The following LPAR1 variants were observed in gnomAD, a reference collection of about 807,000 sequenced individuals.
LPAR1 encodes the protein lysophosphatidic acid receptor 1.
Under a neutral mutation model 23.8 loss-of-function variants are expected in LPAR1, and 5 were observed. That is an observed-to-expected ratio of 0.21 (90% CI 0.11 to 0.44). The LOEUF is 0.44. Ranked by LOEUF, LPAR1 falls within the 20% of genes least tolerant of loss-of-function variation. The pLI, the probability that LPAR1 is intolerant of heterozygous loss-of-function variation, is 0.99. For missense variants in LPAR1, 311 were observed against 482.8 expected (o/e 0.64, Z 3.33); for synonymous variants, 160 against 164.7 (o/e 0.97, Z 0.22).
rs374432519 is a variant in LPAR1, at chr9:110,941,386, T to A, written c.793+35A>T. ...TGTGGTTTATGTTAGTCACTGAGAA[T>A]CTATAAAGTAAGTTACAGTCAAGAC... On this transcript the variant is annotated intron_variant, in intron 5 of 5. Transcript: ENST00000683809. The surrounding 1 kb of genome is among the most constrained non-coding windows in gnomAD (Gnocchi z 6.1). 6.4e-7 allele frequency: 1 copy of A among 1,552,388 alleles called. No individual in the cohort carries two copies. The highest frequency in any genetic ancestry group is 1.9e-5 in the Admixed American group (1 of 53,632).
At chr9:110,951,660 A>C (rs1410718076) in intron 4 of LPAR1, among the ~76,000 whole-genome samples, 1 of 152,238 alleles carries the variant, frequency 6.6e-6, no homozygotes, top group Admixed American at 6.5e-5. Context: ...TCAGTCCTAC[A>C]GTGCTAGTGA....
chr9:110,905,575 G>A (rs757123400), intron 5 of LPAR1, among the ~76,000 whole-genome samples: 15 of 151,898 alleles, frequency 9.9e-5, no homozygotes, highest in African/African-American at 1.4e-4. Context: ...GGCTGGTCTC[G>A]AACTCCAGAC....
intron 2 of LPAR1, among the ~76,000 whole-genome samples, chr9:110,982,469 C>A (rs2096689103): frequency 6.6e-6 from 1 of 151,804 alleles, no homozygotes; most frequent in African/African-American, 2.4e-5. Context: ...CACACTGGGG[C>A]CTGTCAGGGG....
chr9:110,980,160 T>A (rs1400569168), intron 2 of LPAR1, among the ~76,000 whole-genome samples: 1 of 152,124 alleles, frequency 6.6e-6, no homozygotes, highest in African/African-American at 2.4e-5. Context: ...GATGGGAGTA[T>A]GTGAATGGTA....
chr9:110,973,811 T>G (rs1211907523), intron 2 of LPAR1, among the ~76,000 whole-genome samples: 2 of 152,200 alleles, frequency 1.3e-5, no homozygotes, highest in African/African-American at 4.8e-5. Context: ...ATTCGTTTAT[T>G]TTTAAGAAAC....
At chr9:110,989,500 G>A (rs1196067028) in intron 2 of LPAR1, among the ~76,000 whole-genome samples, 2 of 152,172 alleles carry the variant, frequency 1.3e-5, no homozygotes, top group Admixed American at 1.3e-4. Flanking sequence ...TAAGTATACT[G>A]TATTGTTGTG....
chr9:110,936,432 G>T (rs1027978136), intron 5 of LPAR1, among the ~76,000 whole-genome samples: 2 of 152,150 alleles, frequency 1.3e-5, no homozygotes, highest in Admixed American at 1.3e-4. Flanking sequence ...TGGCCAAAAG[G>T]CATGGTCTAC....
intron 5 of LPAR1, among the ~76,000 whole-genome samples, chr9:110,890,017 T>TA (rs2083592453): frequency 6.6e-6 from 1 of 152,058 alleles, no homozygotes; most frequent in East Asian, 1.9e-4. Context: ...AGAATAAACT[T>TA]GATTAAGACA....
intron 2 of LPAR1, among the ~76,000 whole-genome samples, chr9:110,982,891 C>CACAT (rs2096703788): frequency 6.6e-6 from 1 of 151,388 alleles, no homozygotes; most frequent in Admixed American, 6.6e-5. Context: ...CACACACACA[C>CACAT]ACACACGGCC....
At chr9:110,920,865 G>A (rs1362782981) in intron 5 of LPAR1, among the ~76,000 whole-genome samples, 1 of 152,156 alleles carries the variant, frequency 6.6e-6, no homozygotes, top group African/African-American at 2.4e-5. Flanking sequence ...GCCCATGCCT[G>A]TATTCTCAGC....
intron 5 of LPAR1, among the ~76,000 whole-genome samples, chr9:110,877,540 C>T (rs1380648139): frequency 6.6e-6 from 1 of 152,170 alleles, no homozygotes; most frequent in Non-Finnish European, 1.5e-5. Context: ...AAAGGAATGC[C>T]TCTTGGGTTT....
intron 2 of LPAR1, among the ~76,000 whole-genome samples, chr9:110,999,847 C>A (rs10116720): frequency 0.014 from 2,125 of 152,016 alleles, 43 homozygotes; most frequent in African/African-American, 0.048. Context: ...TGAAACTACA[C>A]GCACACGCCA....
intron 5 of LPAR1, among the ~76,000 whole-genome samples, chr9:110,894,016 C>T (rs1233699015): frequency 6.6e-6 from 1 of 152,000 alleles, no homozygotes; most frequent in Non-Finnish European, 1.5e-5. Context: ...AGAAATGCTT[C>T]AATGGAAAGA....
At chr9:110,914,134 G>A (rs1315952678) in intron 5 of LPAR1, among the ~76,000 whole-genome samples, 2 of 152,156 alleles carry the variant, frequency 1.3e-5, no homozygotes, top group Non-Finnish European at 2.9e-5. Context: ...TCCTTTGCCT[G>A]ATTCTAATCC....
chr9:110,969,092 T>C (rs2096320628), intron 4 of LPAR1, among the ~76,000 whole-genome samples: 2 of 152,154 alleles, frequency 1.3e-5, no homozygotes, highest in Non-Finnish European at 2.9e-5. Flanking sequence ...TAATTACATT[T>C]AAATTTTTTC....
chr9:110,897,779 A>G (rs2086960022), intron 5 of LPAR1, among the ~76,000 whole-genome samples: 1 of 151,518 alleles, frequency 6.6e-6, no homozygotes, highest in Admixed American at 6.6e-5. Flanking sequence ...GTAGAAAAAA[A>G]TAACTAGATA....
At chr9:110,924,662 A>C (rs562509402) in intron 5 of LPAR1, among the ~76,000 whole-genome samples, 1 of 151,810 alleles carries the variant, frequency 6.6e-6, no homozygotes, top group Non-Finnish European at 1.5e-5. Flanking sequence ...GCAATACACT[A>C]TCTCTTAGAA....
chr9:110,882,450 A>C (rs1564354878), intron 5 of LPAR1, among the ~76,000 whole-genome samples: 1 of 152,230 alleles, frequency 6.6e-6, no homozygotes, highest in Non-Finnish European at 1.5e-5. Context: ...ATTAACATCT[A>C]CCGTGTGTAA....
chr9:110,889,337 AAC>A (rs1294046946), intron 5 of LPAR1, among the ~76,000 whole-genome samples: 2 of 152,130 alleles, frequency 1.3e-5, no homozygotes, highest in African/African-American at 2.4e-5. Flanking sequence ...CAGCCTGGGC[AAC>A]AGAGTAAGAC....
Sources: gnomAD v4.1 joint callset for allele counts (sites outside exome capture counted in the v4.1 genomes callset) on GRCh38, gnomAD v4.1.1 for gene constraint, Gnocchi (gnomAD v3.1) non-coding constraint, MANE v1.5 for transcripts, NCBI Gene and HGNC (gene_info 2026-07-23, HGNC 2026-07-21) for gene names.